Variants in OPCML observed in about 807,000 individuals in gnomAD.
OPCML encodes the protein opioid-binding protein/cell adhesion molecule.
A neutral mutation model predicts 37.8 loss-of-function variants in OPCML; 13 were observed. The ratio of observed to expected loss-of-function variants is 0.34; its 90% CI spans 0.22 to 0.55. OPCML has a LOEUF of 0.55. Ranked by LOEUF, OPCML falls within the 20% of genes least tolerant of loss-of-function variation. OPCML has a pLI of 0.91. For synonymous variants in OPCML, 176 were observed against 168.8 expected (o/e 1.04, Z -0.33); for missense variants, 341 against 435.6 (o/e 0.78, Z 1.93).
intron 1 of OPCML, among the ~76,000 whole-genome samples, chr11:133,458,107 T>C (rs111665925): frequency 6.6e-6 from 1 of 151,306 alleles, no homozygotes; most frequent in Non-Finnish European, 1.5e-5. Context: ...GATCGTACCA[T>C]TGCACTCCAG....
chr11:132,955,448 A>G (rs993311214), intron 1 of OPCML, among the ~76,000 whole-genome samples: 8 of 152,220 alleles, frequency 5.3e-5, no homozygotes, highest in African/African-American at 1.9e-4. Flanking sequence ...TCCTACCAGC[A>G]GCCCAGACAC....
chr11:133,277,782 A>C (rs1470008752), intron 1 of OPCML, among the ~76,000 whole-genome samples: 1 of 151,970 alleles, frequency 6.6e-6, no homozygotes. Context: ...ATATATATAT[A>C]TGTATAATAT....
At chr11:132,527,193 T>G (rs1240131637) in intron 4 of OPCML, among the ~76,000 whole-genome samples, 2 of 152,198 alleles carry the variant, frequency 1.3e-5, no homozygotes, top group Non-Finnish European at 2.9e-5. Flanking sequence ...TAAAAACATT[T>G]GTGTACAATG....
intron 1 of OPCML, among the ~76,000 whole-genome samples, chr11:133,079,662 C>T (rs1199001755): frequency 6.6e-6 from 1 of 152,008 alleles, no homozygotes; most frequent in Admixed American, 6.5e-5. Flanking sequence ...ATCTCTTGCA[C>T]CAGCTCACCG....
At chr11:132,860,951 C>T (rs753363383) in intron 2 of OPCML, among the ~76,000 whole-genome samples, 15 of 152,054 alleles carry the variant, frequency 9.9e-5, no homozygotes, top group Non-Finnish European at 1.3e-4. Flanking sequence ...GATTTAAGTG[C>T]GAAGAGATTT....
chr11:132,728,055 G>C (rs1044038872), intron 2 of OPCML, among the ~76,000 whole-genome samples: 7 of 152,220 alleles, frequency 4.6e-5, no homozygotes, highest in African/African-American at 1.7e-4. Context: ...GGAGCTTCAA[G>C]AACAGCATGG....
intron 1 of OPCML, among the ~76,000 whole-genome samples, chr11:133,062,869 G>A (rs1192008277): frequency 6.6e-6 from 1 of 152,242 alleles, no homozygotes. Context: ...CCCTAGGAAT[G>A]GCTTTCTGCC....
intron 2 of OPCML, among the ~76,000 whole-genome samples, chr11:132,935,141 G>GA (rs574227413): frequency 0.065 from 5,854 of 90,090 alleles, 129 homozygotes; most frequent in Middle Eastern, 0.17. Context: ...TTCCATCTCA[G>GA]AAAAAAAAAA....
intron 1 of OPCML, among the ~76,000 whole-genome samples, chr11:133,375,774 T>A (rs1944789244): frequency 6.6e-6 from 1 of 152,188 alleles, no homozygotes. Flanking sequence ...CTGTCAGCTG[T>A]CTTAAGACAG....
At chr11:132,448,146 A>G (rs1456169509) in intron 4 of OPCML, among the ~76,000 whole-genome samples, 1 of 152,200 alleles carries the variant, frequency 6.6e-6, no homozygotes, top group Non-Finnish European at 1.5e-5. Flanking sequence ...TGCCCTTTTG[A>G]GGAACAGCAC....
intron 2 of OPCML, among the ~76,000 whole-genome samples, chr11:132,907,043 G>T (rs549463309): frequency 6.6e-6 from 1 of 152,238 alleles, no homozygotes; most frequent in Non-Finnish European, 1.5e-5. Context: ...ATGAAAATCT[G>T]CCCAGAGTCT....
intron 1 of OPCML, among the ~76,000 whole-genome samples, chr11:133,171,564 A>G (rs1422620039): frequency 6.6e-6 from 1 of 152,206 alleles, no homozygotes; most frequent in African/African-American, 2.4e-5. Flanking sequence ...CAGAGAGGGA[A>G]AATCAATATC....
chr11:133,032,571 C>G (rs1947694915), intron 1 of OPCML, among the ~76,000 whole-genome samples: 1 of 152,206 alleles, frequency 6.6e-6, no homozygotes, highest in East Asian at 1.9e-4. Flanking sequence ...CTAGAACTCA[C>G]AGCAGTAAAT....
At chr11:132,838,577 A>G (rs1941148067) in intron 2 of OPCML, among the ~76,000 whole-genome samples, 1 of 152,220 alleles carries the variant, frequency 6.6e-6, no homozygotes, top group Non-Finnish European at 1.5e-5. Flanking sequence ...AGACTCTTGA[A>G]AGCATTGCTG....
chr11:133,032,813 C>T (rs1947699513), intron 1 of OPCML, among the ~76,000 whole-genome samples: 1 of 152,176 alleles, frequency 6.6e-6, no homozygotes, highest in Non-Finnish European at 1.5e-5. Context: ...GACTCTAATA[C>T]AAACATTTTT....
chr11:132,649,064 G>A (rs1232799027), intron 3 of OPCML, among the ~76,000 whole-genome samples: 1 of 152,132 alleles, frequency 6.6e-6, no homozygotes, highest in African/African-American at 2.4e-5. Context: ...GAGCGTGTGT[G>A]TGGAGTACAG....
chr11:133,402,960 T>C (rs577562447), intron 1 of OPCML, among the ~76,000 whole-genome samples: 2 of 152,330 alleles, frequency 1.3e-5, no homozygotes, highest in Admixed American at 6.5e-5. Flanking sequence ...AGGAAAATCT[T>C]AAATTAGGAT....
At chr11:133,381,737 T>C (rs1018709503) in intron 1 of OPCML, among the ~76,000 whole-genome samples, 1 of 152,246 alleles carries the variant, frequency 6.6e-6, no homozygotes, top group Non-Finnish European at 1.5e-5. Flanking sequence ...AAAGGATCTA[T>C]GATTCCAGGG....
intron 1 of OPCML, among the ~76,000 whole-genome samples, chr11:132,955,697 C>T (rs1945963310): frequency 6.6e-6 from 1 of 152,046 alleles, no homozygotes; most frequent in Non-Finnish European, 1.5e-5. Flanking sequence ...TCCTGACCAA[C>T]ATGGTGAAAC....
Sources: allele counts gnomAD v4.1 joint callset (sites outside exome capture counted in the v4.1 genomes callset), GRCh38; gene constraint gnomAD v4.1.1; transcripts MANE v1.5; gene names NCBI Gene and HGNC (gene_info 2026-07-23, HGNC 2026-07-21).